Variants in PRORP observed in about 807,000 individuals in gnomAD.
The protein encoded by PRORP is protein only RNase P catalytic subunit.
PRORP carries 51 observed loss-of-function variants against 59.4 expected under a neutral mutation model. That is an observed-to-expected ratio of 0.86 (90% CI 0.69 to 1.08). The LOEUF (loss-of-function observed/expected upper bound fraction) is 1.08. PRORP is among the 50% of genes least tolerant of loss of function. The pLI is 0.00. For synonymous variants in PRORP, 231 were observed against 245.6 expected (o/e 0.94, Z 0.55); for missense variants, 646 against 690.3 (o/e 0.94, Z 0.72).
chr14:35,159,011 G>T, intron 4 of PRORP: 1 of 328,004 alleles, frequency 3.0e-6, no homozygotes. Context: ...CATCATTCCA[G>T]TCGTCCAGAT....
chr14:35,265,832 T>C (rs1315145654), intron 5 of PRORP, among the ~76,000 whole-genome samples: 4 of 152,060 alleles, frequency 2.6e-5, no homozygotes, highest in Non-Finnish European at 5.9e-5. Flanking sequence ...CCCATCCCTC[T>C]TGAGCCTCTC....
intron 5 of PRORP, among the ~76,000 whole-genome samples, chr14:35,252,645 C>T (rs541150934): frequency 6.6e-6 from 1 of 152,236 alleles, no homozygotes; most frequent in African/African-American, 2.4e-5. Flanking sequence ...GCAGTCAGCT[C>T]CTGCTCCCAA....
At chr14:35,204,716 G>A (rs2049247403) in intron 5 of PRORP, among the ~76,000 whole-genome samples, 2 of 152,118 alleles carry the variant, frequency 1.3e-5, no homozygotes, top group Admixed American at 6.5e-5. Flanking sequence ...GTAACTCTAT[G>A]TACAAGAACT....
intron 5 of PRORP, among the ~76,000 whole-genome samples, chr14:35,238,098 A>G (rs1165099910): frequency 6.6e-6 from 1 of 151,678 alleles, no homozygotes; most frequent in Non-Finnish European, 1.5e-5. Flanking sequence ...CAAACACTGT[A>G]TTAAAGGTGG....
intron 5 of PRORP, among the ~76,000 whole-genome samples, chr14:35,229,077 C>T (rs935950512): frequency 1.3e-5 from 2 of 152,046 alleles, no homozygotes; most frequent in African/African-American, 4.8e-5. Flanking sequence ...GTTTGTTGTC[C>T]ACTTGTATGT....
At chr14:35,211,239 C>T (rs759630782) in intron 5 of PRORP, among the ~76,000 whole-genome samples, 4 of 151,958 alleles carry the variant, frequency 2.6e-5, no homozygotes, top group East Asian at 3.9e-4. Flanking sequence ...AAAGTTTTTT[C>T]GTATATTATC....
At chr14:35,244,039 T>C (rs2050425430) in intron 5 of PRORP, among the ~76,000 whole-genome samples, 1 of 152,208 alleles carries the variant, frequency 6.6e-6, no homozygotes, top group African/African-American at 2.4e-5. Context: ...TCAAGTATAG[T>C]GAATACACTT....
intron 5 of PRORP, among the ~76,000 whole-genome samples, chr14:35,203,085 G>A (rs2049198515): frequency 6.6e-6 from 1 of 151,996 alleles, no homozygotes; most frequent in Non-Finnish European, 1.5e-5. Flanking sequence ...AAATAATAAA[G>A]GTTTATTTTT....
chr14:35,234,722 A>G (rs1023804279), intron 5 of PRORP, among the ~76,000 whole-genome samples: 9 of 142,686 alleles, frequency 6.3e-5, no homozygotes, highest in African/African-American at 2.4e-4. Flanking sequence ...TGTGTCACCC[A>G]GTTTGGAGTG....
At chr14:35,227,237 A>G (rs1270283035) in intron 5 of PRORP, among the ~76,000 whole-genome samples, 1 of 150,782 alleles carries the variant, frequency 6.6e-6, no homozygotes, top group African/African-American at 2.4e-5. Context: ...AGGTCAGGAG[A>G]TGAAGACCAT....
At chr14:35,188,898 C>T (rs999399990) in intron 5 of PRORP, among the ~76,000 whole-genome samples, 11 of 143,628 alleles carry the variant, frequency 7.7e-5, no homozygotes, top group African/African-American at 2.4e-4. Context: ...AAGCTGAGAT[C>T]GTACCACTGC....
upstream of PRORP, chr14:35,121,851 TAGG>T (rs781280840): frequency 2.5e-6 from 4 of 1,595,122 alleles, no homozygotes; most frequent in African/African-American, 1.3e-5. Context: ...CCCCTACCTC[TAGG>T]AGTTTAGGGC....
intron 4 of PRORP, among the ~76,000 whole-genome samples, chr14:35,165,175 C>A (rs189440566): frequency 6.6e-6 from 1 of 152,250 alleles, no homozygotes; most frequent in East Asian, 1.9e-4. Flanking sequence ...TTTGGGATTT[C>A]TAGCTTGAAT....
At chr14:35,188,640 T>G (rs1442409544) in intron 5 of PRORP, among the ~76,000 whole-genome samples, 1 of 152,088 alleles carries the variant, frequency 6.6e-6, no homozygotes, top group Non-Finnish European at 1.5e-5. Flanking sequence ...GTCCAATTTA[T>G]TTTTTCTTTT....
intron 4 of PRORP, among the ~76,000 whole-genome samples, chr14:35,166,975 A>G (rs1213530438): frequency 6.6e-6 from 1 of 152,166 alleles, no homozygotes; most frequent in Non-Finnish European, 1.5e-5. Flanking sequence ...TTTATCTGGT[A>G]AGCTGCATGA....
chr14:35,256,567 T>A (rs892271789), intron 5 of PRORP, among the ~76,000 whole-genome samples: 2 of 151,848 alleles, frequency 1.3e-5, no homozygotes, highest in African/African-American at 4.8e-5. Context: ...CCTGACCTCG[T>A]GATCCGCCCA....
chr14:35,215,106 G>A (rs111287675), intron 5 of PRORP, among the ~76,000 whole-genome samples: 24 of 151,974 alleles, frequency 1.6e-4, no homozygotes, highest in African/African-American at 3.9e-4. Flanking sequence ...TATGATCTTC[G>A]GTGGTCTCTT....
chr14:35,154,712 A>G (rs547597557), intron 4 of PRORP, among the ~76,000 whole-genome samples: 312 of 152,262 alleles, frequency 2.0e-3, no homozygotes, highest in African/African-American at 7.2e-3. Flanking sequence ...AAAAAAAAAA[A>G]AAGAGATGGA....
chr14:35,218,670 G>T (rs2138431064), intron 5 of PRORP, among the ~76,000 whole-genome samples: 1 of 151,794 alleles, frequency 6.6e-6, no homozygotes, highest in Non-Finnish European at 1.5e-5. Flanking sequence ...TGGATTACAG[G>T]TGCCACCACC....
Sources: gnomAD v4.1 joint callset for allele counts (sites outside exome capture counted in the v4.1 genomes callset) on GRCh38, gnomAD v4.1.1 for gene constraint, MANE v1.5 for transcripts, NCBI Gene and HGNC (gene_info 2026-07-23, HGNC 2026-07-21) for gene names.